The following LRP5 variants were observed in gnomAD, a reference collection of about 807,000 sequenced individuals.
LRP5 encodes low-density lipoprotein receptor-related protein 5.
LRP5 carries 62 observed loss-of-function variants against 154.1 expected under a neutral mutation model. The observed-to-expected ratio is 0.40, with a 90% CI of 0.33 to 0.50. The LOEUF (loss-of-function observed/expected upper bound fraction) is 0.50. Ranked by LOEUF, LRP5 falls within the 20% of genes least tolerant of loss-of-function variation. The probability of loss-of-function intolerance (pLI) is 0.55; values close to 1 mark genes in which losing one functional copy is unlikely to be tolerated. For synonymous variants in LRP5, 966 were observed against 1,011.5 expected (o/e 0.96, Z 0.85); for missense variants, 1,915 against 2,336.7 (o/e 0.82, Z 3.72).
intron 1 of LRP5, among the ~76,000 whole-genome samples, chr11:68,341,056 G>GTTGTTTTTTTTTTTTTTTTTTTTT (rs1466472469): frequency 1.9e-5 from 1 of 51,448 alleles, no homozygotes; most frequent in Admixed American, 2.3e-4. Flanking sequence ...GCTGGAGATT[G>GTTGTTTTTTTTTTTTTTTTTTTTT]TTCTTTTTTT....
intron 5 of LRP5, among the ~76,000 whole-genome samples, chr11:68,375,734 A>G (rs1294252616): frequency 6.6e-6 from 1 of 152,164 alleles, no homozygotes. Flanking sequence ...GCTGGCAGTG[A>G]CTTTCTTGAC....
intron 1 of LRP5, among the ~76,000 whole-genome samples, chr11:68,325,869 C>T (rs3781600): frequency 5.3e-5 from 8 of 152,142 alleles, no homozygotes; most frequent in Admixed American, 1.3e-4. Flanking sequence ...AGAGAGGCAG[C>T]GTTGAAAAGT....
intron 7 of LRP5, among the ~76,000 whole-genome samples, chr11:68,401,499 G>A (rs888023606): frequency 2.0e-5 from 3 of 152,324 alleles, no homozygotes; most frequent in South Asian, 2.1e-4. Flanking sequence ...GGGCCAGGCC[G>A]TTGTTTGCTG....
intron 9 of LRP5, among the ~76,000 whole-genome samples, chr11:68,407,254 C>T (rs1471977702): frequency 2.0e-4 from 31 of 151,606 alleles, no homozygotes; most frequent in African/African-American, 5.3e-4. Context: ...CTGCAACCTC[C>T]GCCTCCCAGG....
At chr11:68,299,480 G>T in the LRP5 span, among the ~76,000 whole-genome samples, 2 of 112,402 alleles carry the variant, frequency 1.8e-5, no homozygotes, top group African/African-American at 7.3e-5. Flanking sequence ...AGTGTAGATG[G>T]CAGGGTGGAG....
chr11:68,332,820 A>G (rs1047174110), intron 1 of LRP5, among the ~76,000 whole-genome samples: 2 of 151,460 alleles, frequency 1.3e-5, no homozygotes, highest in South Asian at 4.2e-4. Context: ...ATGTTGGGGG[A>G]ATTGGTGGGA....
At chr11:68,358,228 G>A (rs1158358393) in intron 3 of LRP5, among the ~76,000 whole-genome samples, 59 of 151,878 alleles carry the variant, frequency 3.9e-4, no homozygotes, top group African/African-American at 1.3e-3. Context: ...CGATCCTCCC[G>A]CCTCAGCCTC....
Position 68,426,138 on chromosome 11 carries a change from C to T in LRP5, c.3588C>T (p.Ala1196=). The T allele has an allele frequency of 5.0e-6, 8 of 1,613,020 alleles. No individual in the cohort carries two copies. In the African/African-American group the frequency reaches 6.7e-5, roughly 13 times the overall value. Residue 1196 remains alanine, a synonymous_variant, in exon 16 of 23, where the codon GCC becomes GCT. Coordinates refer to ENST00000294304, the MANE Select transcript of LRP5 (RefSeq NM_002335.4). ...DKRTRIQGRV[A]HLTGIHAVEE... The stretch of plus-strand genomic sequence containing the variant: ...GGACTCGCATCCAGGGCCGTGTCGC[C>T]CACCTCACTGGCATCCATGCAGTGG...
At chr11:68,326,008 C>T (rs1046214258) in intron 1 of LRP5, among the ~76,000 whole-genome samples, 3 of 152,228 alleles carry the variant, frequency 2.0e-5, no homozygotes, top group East Asian at 3.9e-4. Context: ...GCTGCTTGGC[C>T]GAAACCATCT....
chr11:68,418,394 G>A (rs1310695958), intron 13 of LRP5, among the ~76,000 whole-genome samples: 1 of 150,958 alleles, frequency 6.6e-6, no homozygotes, highest in African/African-American at 2.4e-5. Flanking sequence ...AGAGCGAGAC[G>A]CCATCTCAAA....
chr11:68,392,136 G>A (rs2098646690), intron 7 of LRP5, among the ~76,000 whole-genome samples: 1 of 152,152 alleles, frequency 6.6e-6, no homozygotes, highest in Non-Finnish European at 1.5e-5. Context: ...GGCATCAGCC[G>A]TCACACGCAG....
intron 12 of LRP5, among the ~76,000 whole-genome samples, chr11:68,415,203 C>A (rs944082650): frequency 3.3e-5 from 5 of 152,150 alleles, no homozygotes; most frequent in Non-Finnish European, 7.3e-5. Flanking sequence ...ATCCTGGTAC[C>A]AGTGCACTGA....
chr11:68,332,271 T>G (rs1444761923), intron 1 of LRP5, among the ~76,000 whole-genome samples: 1 of 152,212 alleles, frequency 6.6e-6, no homozygotes, highest in East Asian at 1.9e-4. Context: ...AATATGGTAT[T>G]TATTCATTAT....
chr11:68,347,480 A>T (rs2098614081), intron 1 of LRP5, among the ~76,000 whole-genome samples: 1 of 152,108 alleles, frequency 6.6e-6, no homozygotes, highest in African/African-American at 2.4e-5. Flanking sequence ...AACAAAGGGG[A>T]TGTGGCTTCT....
intron 7 of LRP5, among the ~76,000 whole-genome samples, chr11:68,401,857 T>G (rs1313504933): frequency 2.6e-5 from 4 of 152,056 alleles, no homozygotes; most frequent in Admixed American, 6.5e-5. Flanking sequence ...CCCAGCTCGT[T>G]TTTTTTTGTA....
At chr11:68,335,389 T>A (rs1272464175) in intron 1 of LRP5, among the ~76,000 whole-genome samples, 2 of 151,658 alleles carry the variant, frequency 1.3e-5, no homozygotes, top group African/African-American at 4.8e-5. Context: ...CCTTGTCTTA[T>A]GTGTGTTTCT....
At chr11:68,437,908 G>A (rs142477426) in intron 19 of LRP5, among the ~76,000 whole-genome samples, 4 of 152,254 alleles carry the variant, frequency 2.6e-5, no homozygotes, top group Admixed American at 2.6e-4. Flanking sequence ...TGACTTCATC[G>A]ACGCCCTCAG....
At chr11:68,443,426 G>A (rs2098679214) in intron 21 of LRP5, among the ~76,000 whole-genome samples, 1 of 141,238 alleles carries the variant, frequency 7.1e-6, no homozygotes, top group South Asian at 2.4e-4. Context: ...GGAGGCGGAG[G>A]TTGCAGTGAG....
Position 68,447,088 on chromosome 11 carries a change from T to C in LRP5, c.4586+555T>C, listed in dbSNP as rs113172984. On this transcript the variant is annotated intron_variant, in intron 22 of 22. Transcript: ENST00000294304. The surrounding 1 kb of genome is among the most constrained non-coding windows in gnomAD (Gnocchi z 4.3). ...GGACACCAGCCCCCCGAGCTGCCCATGTTGGGGTCACAGGCCCCACCTCCC... is the reference window on the plus strand; with the variant it reads ...GGACACCAGCCCCCCGAGCTGCCCACGTTGGGGTCACAGGCCCCACCTCCC... 0.011 allele frequency: 2,015 copies of C among 177,236 alleles called. 20 individuals carry two copies. Among genetic ancestry groups the C allele is most frequent in the African/African-American group, 0.029 (1,225 of 42,270 alleles). The allele number at this position is 177,236 out of a possible 1,614,324, so 11.0% of individuals were successfully genotyped here. A position where few individuals can be genotyped will look rare whatever the true frequency, so the allele number is the denominator to read the frequency against.
Sources: allele counts gnomAD v4.1 joint callset (sites outside exome capture counted in the v4.1 genomes callset), GRCh38; gene constraint gnomAD v4.1.1; non-coding constraint Gnocchi (gnomAD v3.1); transcripts MANE v1.5; gene names NCBI Gene and HGNC (gene_info 2026-07-23, HGNC 2026-07-21).